NRCAM: variants seen among roughly 807,000 people sequenced by gnomAD.
NRCAM encodes neuronal cell adhesion molecule.
NRCAM carries 83 observed loss-of-function variants against 156.5 expected under a neutral mutation model. The ratio of observed to expected loss-of-function variants is 0.53; its 90% confidence interval spans 0.44 to 0.64. The LOEUF (loss-of-function observed/expected upper bound fraction) is 0.64, where lower values mean the gene tolerates loss of function less well. Among genes scored for constraint, NRCAM ranks in the 30% least tolerant of loss-of-function variants. NRCAM has a pLI of 0.00. For synonymous variants in NRCAM, 538 were observed against 563.9 expected (o/e 0.95, Z 0.65); for missense variants, 1,417 against 1,597.3 (o/e 0.89, Z 1.92).
chr7:108,355,281 G>T (rs2099484239), intron 2 of NRCAM, among the ~76,000 whole-genome samples: 1 of 152,214 alleles, frequency 6.6e-6, no homozygotes, highest in African/African-American at 2.4e-5. Flanking sequence ...ATGTGAAATT[G>T]AGAATACTTG....
chr7:108,262,022 C>T (rs185136425), intron 3 of NRCAM, among the ~76,000 whole-genome samples: 13 of 152,302 alleles, frequency 8.5e-5, no homozygotes, highest in Admixed American at 5.9e-4. Context: ...CTGTTGGCTC[C>T]TCCCCTCACT....
intron 2 of NRCAM, among the ~76,000 whole-genome samples, chr7:108,383,813 G>C (rs2099717511): frequency 6.6e-6 from 1 of 152,112 alleles, no homozygotes; most frequent in South Asian, 2.1e-4. Flanking sequence ...TTTATGTTGG[G>C]GGTGTGTGCT....
intron 30 of NRCAM, among the ~76,000 whole-genome samples, chr7:108,160,733 A>C (rs1450300939): frequency 6.6e-6 from 1 of 152,142 alleles, no homozygotes; most frequent in African/African-American, 2.4e-5. Context: ...AATGCTAAAA[A>C]CCCCTGGTGA....
intron 1 of NRCAM, among the ~76,000 whole-genome samples, chr7:108,422,234 T>G (rs1305850481): frequency 6.6e-6 from 1 of 152,214 alleles, no homozygotes; most frequent in African/African-American, 2.4e-5. Context: ...TGACTTAATG[T>G]TCTAAGCTTA....
chr7:108,295,935 T>C (rs1239204815), intron 3 of NRCAM, among the ~76,000 whole-genome samples: 1 of 152,106 alleles, frequency 6.6e-6, no homozygotes, highest in African/African-American at 2.4e-5. Flanking sequence ...CTGCTTTGTA[T>C]ATGGGGGGTT....
intron 1 of NRCAM, among the ~76,000 whole-genome samples, chr7:108,450,232 T>G (rs1848759229): frequency 6.7e-6 from 1 of 150,344 alleles, no homozygotes; most frequent in South Asian, 2.1e-4. Context: ...CATTAGTGGT[T>G]ATAATTTGTT....
chr7:108,300,114 A>G lies in NRCAM; in HGVS notation c.-107+12551T>C, dbSNP rs137960391. ...GAATATCTAAGCCTCCTGTTAAGAT[A>G]TTACTGCCTACATACAAATGTAATC... On this transcript the variant is annotated intron_variant, in intron 3 of 32. Transcript: ENST00000379028. Among the ~76,000 whole-genome samples, 7 of 138,302 alleles carry G rather than the reference A, an allele frequency of 5.1e-5. No homozygotes were observed. In the East Asian group the frequency reaches 9.0e-4, roughly 18 times the overall value. The allele number at this position is 138,302 out of a possible 152,430, so 90.7% of individuals were successfully genotyped here.
chr7:108,372,888 T>G (rs1395840688), intron 2 of NRCAM, among the ~76,000 whole-genome samples: 1 of 152,154 alleles, frequency 6.6e-6, no homozygotes, highest in Non-Finnish European at 1.5e-5. Flanking sequence ...CTCAAAGGAA[T>G]ATGTGCATTC....
In NRCAM at chr7:108,356,366, T is replaced by C. The variant is rs555282762; in HGVS notation, c.-174+43070A>G. On this transcript the variant is annotated intron_variant, in intron 2 of 32. Transcript: ENST00000379028. ...TGTTCCTAATTTATAAATTAAATCT[T>C]ACTATAGGTATTTATGAATAGGGTA... is the stretch of plus-strand genomic sequence containing the variant. Among the ~76,000 whole-genome samples the C allele has an allele frequency of 4.8e-4, 73 of 152,338 alleles. No homozygotes were observed. The South Asian group carries it at 7.9e-3, about 16-fold the overall frequency.
intron 5 of NRCAM, among the ~76,000 whole-genome samples, chr7:108,237,285 C>G (rs1336226656): frequency 1.3e-5 from 2 of 152,122 alleles, no homozygotes. Context: ...CTGATGGCAC[C>G]TAGAAATACT....
rs574760463 is a variant in NRCAM, at chr7:108,271,328, G to A, written c.-106-31158C>T. Among the ~76,000 whole-genome samples, 144 of 152,196 alleles carry A rather than the reference G, an allele frequency of 9.5e-4. 2 individuals carry two copies. Among genetic ancestry groups the A allele is most frequent in the African/African-American group, 3.0e-3 (123 of 41,526 alleles). ...AAAAAATAGTCTTCTGCTAGGACAC[G>A]ATGGATGATATTCATTCAAAACACA... is the stretch of plus-strand genomic sequence containing the variant. On this transcript the variant is annotated intron_variant, in intron 3 of 32. Coordinates refer to ENST00000379028, the MANE Select transcript of NRCAM (RefSeq NM_001037132.4).
intron 2 of NRCAM, among the ~76,000 whole-genome samples, chr7:108,389,192 C>A (rs1316520665): frequency 6.6e-6 from 1 of 152,190 alleles, no homozygotes; most frequent in African/African-American, 2.4e-5. Context: ...TATCCATGAG[C>A]ATGAAATGTT....
At chr7:108,225,758 A>G in intron 9 of NRCAM, 57 bp from the exon 10 acceptor site, 3 of 1,045,848 alleles carry the variant, frequency 2.9e-6, no homozygotes, top group Non-Finnish European at 4.5e-6. Flanking sequence ...AGGGTCAAAA[A>G]GTATTGGGCA....
intron 3 of NRCAM, among the ~76,000 whole-genome samples, chr7:108,305,964 T>G (rs1004464614): frequency 6.6e-6 from 1 of 152,270 alleles, no homozygotes; most frequent in Admixed American, 6.5e-5. Context: ...GAGAAGTTTA[T>G]GTATGCAAAT....
intron 2 of NRCAM, among the ~76,000 whole-genome samples, chr7:108,330,872 G>A (rs754926437): frequency 1.3e-5 from 2 of 152,084 alleles, no homozygotes. Context: ...GAGGCGATTC[G>A]TGGCACCAAA....
chr7:108,345,266 G>A (rs992286697), intron 2 of NRCAM, among the ~76,000 whole-genome samples: 9 of 152,122 alleles, frequency 5.9e-5, no homozygotes, highest in African/African-American at 1.9e-4. Context: ...ACTCAGAAAG[G>A]TTCCTCAGTT....
intron 2 of NRCAM, among the ~76,000 whole-genome samples, chr7:108,380,931 A>G (rs1595787318): frequency 6.6e-6 from 1 of 152,308 alleles, no homozygotes; most frequent in South Asian, 2.1e-4. Context: ...GAAGTCAGCC[A>G]TGGTGGCTCA....
rs112941241 is a variant in NRCAM at position 108,436,613 on chromosome 7, T to C, written c.-332+19630A>G. 1.7e-4 allele frequency among the ~76,000 whole-genome samples: 26 copies of C among 152,296 alleles called. No homozygotes were observed. In the East Asian group the frequency reaches 4.8e-3, roughly 28 times the overall value. On this transcript the variant is annotated intron_variant, in intron 1 of 32. Coordinates refer to ENST00000379028, the MANE Select transcript of NRCAM (RefSeq NM_001037132.4). ...TCTCTCTGCTTTTGCATTTAAAAAATTTTTTCATAACAAAATTTTAGTAAA... is the reference window on the plus strand; with the variant it reads ...TCTCTCTGCTTTTGCATTTAAAAAACTTTTTCATAACAAAATTTTAGTAAA...
chr7:108,199,457 G>A (rs1459475327), intron 13 of NRCAM, among the ~76,000 whole-genome samples: 3 of 152,202 alleles, frequency 2.0e-5, no homozygotes, highest in Non-Finnish European at 4.4e-5. Context: ...TTAGAAGTCT[G>A]ACATGGGTCA....
Sources: gnomAD v4.1 joint callset for allele counts (sites outside exome capture counted in the v4.1 genomes callset) on GRCh38, gnomAD v4.1.1 for gene constraint, MANE v1.5 for transcripts, NCBI Gene and HGNC (gene_info 2026-07-23, HGNC 2026-07-21) for gene names.